CPNE4: variants seen among roughly 807,000 people sequenced by gnomAD.
CPNE4 encodes the protein copine 4, also known as copine-4.
CPNE4 carries 25 observed loss-of-function variants against 67.9 expected under a neutral mutation model. The observed-to-expected ratio is 0.37, with a 90% CI of 0.27 to 0.51. The LOEUF (loss-of-function observed/expected upper bound fraction) is 0.51. CPNE4 is among the 20% of genes least tolerant of loss of function. The pLI, the probability that CPNE4 is intolerant of heterozygous loss-of-function variation, is 0.93. For synonymous variants in CPNE4, 242 were observed against 244.9 expected, an observed-to-expected ratio of 0.99 and a Z score of 0.11; for missense variants, 464 against 690.8, an observed-to-expected ratio of 0.67 and a Z score of 3.68.
At chr3:131,848,888 G>A (rs1392025054) in intron 2 of CPNE4, among the ~76,000 whole-genome samples, 1 of 141,918 alleles carries the variant, frequency 7.0e-6, no homozygotes, top group Non-Finnish European at 1.5e-5. Context: ...TGCCCATAGG[G>A]AAGGGAGGAT....
At chr3:131,741,719 C>A (rs2082361577) in intron 2 of CPNE4, among the ~76,000 whole-genome samples, 1 of 152,078 alleles carries the variant, frequency 6.6e-6, no homozygotes, top group Admixed American at 6.6e-5. Flanking sequence ...TGGCGGGCAA[C>A]TTTGCCAAAA....
chr3:132,030,069 T>C (rs751162843), intron 1 of CPNE4, among the ~76,000 whole-genome samples: 1 of 151,520 alleles, frequency 6.6e-6, no homozygotes, highest in African/African-American at 2.4e-5. Flanking sequence ...AGCAATGTAA[T>C]AAGTCCCAAG....
At chr3:132,031,224 G>A (rs1378114508) in intron 1 of CPNE4, among the ~76,000 whole-genome samples, 1 of 152,106 alleles carries the variant, frequency 6.6e-6, no homozygotes, top group Non-Finnish European at 1.5e-5. Context: ...TATTTTGAAT[G>A]CATTTAAATT....
chr3:131,852,291 A>C (rs1448641995), intron 2 of CPNE4, among the ~76,000 whole-genome samples: 16 of 152,030 alleles, frequency 1.1e-4, no homozygotes, highest in Admixed American at 1.1e-3. Flanking sequence ...ATGTAAAAAA[A>C]CCCATCAATA....
intron 7 of CPNE4, among the ~76,000 whole-genome samples, chr3:131,608,816 CT>C (rs1939655893): frequency 6.6e-6 from 1 of 152,124 alleles, no homozygotes; most frequent in African/African-American, 2.4e-5. Context: ...TTGTAGACCC[CT>C]GATGGTCTCT....
chr3:131,976,267 T>C (rs2072651307), intron 1 of CPNE4, among the ~76,000 whole-genome samples: 1 of 152,052 alleles, frequency 6.6e-6, no homozygotes, highest in South Asian at 2.1e-4. Flanking sequence ...GTTTAATTTT[T>C]TTTTTAATAC....
intron 2 of CPNE4, among the ~76,000 whole-genome samples, chr3:131,792,927 A>ATATATATC (rs1553772451): frequency 1.6e-5 from 1 of 62,248 alleles, no homozygotes; most frequent in Non-Finnish European, 2.8e-5. Context: ...GTGTGTGTGT[A>ATATATATC]TCTCCAACAA....
intron 2 of CPNE4, among the ~76,000 whole-genome samples, chr3:131,894,365 T>C (rs1212893144): frequency 6.6e-6 from 1 of 151,690 alleles, no homozygotes; most frequent in African/African-American, 2.4e-5. Flanking sequence ...AGCAAATATA[T>C]ACAAATGGGA....
chr3:131,814,501 TC>T (rs1477185938), intron 2 of CPNE4, among the ~76,000 whole-genome samples: 5 of 146,770 alleles, frequency 3.4e-5, no homozygotes, highest in African/African-American at 1.2e-4. Flanking sequence ...TTGACAAACA[TC>T]ATTAATCACT....
chr3:131,699,894 G>C lies in CPNE4; in HGVS notation c.432+15C>G, dbSNP rs1318946890. On this transcript the variant is annotated intron_variant, in intron 4 of 15. Transcript: ENST00000429747. Reference sequence around the variant, plus strand: ...TCCACTCAGGCAGACAGCTGCTTAGGGAGTGCCTGCTTACCGTGATGGAAG... The same window carrying C: ...TCCACTCAGGCAGACAGCTGCTTAGCGAGTGCCTGCTTACCGTGATGGAAG... 6.2e-7 allele frequency: 1 copy of C among 1,610,282 alleles called. No individual in the cohort carries two copies. The highest frequency in any genetic ancestry group is 8.5e-7 in the Non-Finnish European group (1 of 1,177,176).
chr3:131,963,248 A>G (rs13082797), intron 1 of CPNE4, among the ~76,000 whole-genome samples: 54,684 of 151,824 alleles, frequency 0.36, 10,667 homozygotes, highest in Non-Finnish European at 0.44. Context: ...CAACCCACAG[A>G]CCAGGGGATT....
intron 6 of CPNE4, among the ~76,000 whole-genome samples, chr3:131,675,746 A>T (rs2080542540): frequency 7.4e-6 from 1 of 134,406 alleles, no homozygotes. Context: ...TCTTGTTTTT[A>T]TCCATTCGGC....
intron 1 of CPNE4, among the ~76,000 whole-genome samples, chr3:131,995,671 G>T (rs1236819295): frequency 6.6e-6 from 1 of 152,216 alleles, no homozygotes; most frequent in African/African-American, 2.4e-5. Flanking sequence ...CCTAGCAGTT[G>T]ACATCATGGG....
At chr3:131,618,300 TATATTGTG>T (rs1940274317) in intron 7 of CPNE4, among the ~76,000 whole-genome samples, 1 of 152,186 alleles carries the variant, frequency 6.6e-6, no homozygotes, top group African/African-American at 2.4e-5. Context: ...ATTTAGGAGG[TATATTGTG>T]ATAGTTTGAT....
intron 1 of CPNE4, among the ~76,000 whole-genome samples, chr3:131,956,314 A>C (rs533075245): frequency 1.5e-4 from 23 of 152,248 alleles, no homozygotes; most frequent in South Asian, 6.2e-4. Flanking sequence ...CTTGCATTCA[A>C]ATTTTATTGG....
intron 1 of CPNE4, among the ~76,000 whole-genome samples, chr3:132,025,225 T>C (rs1196720021): frequency 6.6e-6 from 1 of 152,194 alleles, no homozygotes; most frequent in Non-Finnish European, 1.5e-5. Flanking sequence ...CCTAAGATCC[T>C]TTTGGGACAA....
At chr3:131,646,960 A>G (rs1294224737) in intron 7 of CPNE4, among the ~76,000 whole-genome samples, 2 of 152,208 alleles carry the variant, frequency 1.3e-5, no homozygotes, top group African/African-American at 2.4e-5. Context: ...CCATTCTGCC[A>G]TCTGAATCAC....
chr3:132,009,692 T>C (rs1226653059), intron 1 of CPNE4, among the ~76,000 whole-genome samples: 1 of 152,072 alleles, frequency 6.6e-6, no homozygotes, highest in Admixed American at 6.5e-5. Context: ...GTGGAAAAAA[T>C]TATGTATGCA....
At chr3:131,951,963 G>C (rs965908062) in intron 1 of CPNE4, among the ~76,000 whole-genome samples, 1 of 152,278 alleles carries the variant, frequency 6.6e-6, no homozygotes, top group African/African-American at 2.4e-5. Flanking sequence ...TGCCAAGATT[G>C]CAGCCTCTGC....
Sources: allele counts gnomAD v4.1 joint callset (sites outside exome capture counted in the v4.1 genomes callset), GRCh38; gene constraint gnomAD v4.1.1; transcripts MANE v1.5; gene names NCBI Gene and HGNC (gene_info 2026-07-23, HGNC 2026-07-21).